Variants in LCA5 observed in about 807,000 individuals in gnomAD.
LCA5 encodes the protein lebercilin.
LCA5 carries 37 observed loss-of-function variants against 53.0 expected under a neutral mutation model. The observed-to-expected ratio is 0.70, with a 90% confidence interval of 0.54 to 0.92. The LOEUF (loss-of-function observed/expected upper bound fraction) is 0.92. LCA5 is among the 40% of genes least tolerant of loss of function. The pLI, the probability that LCA5 is intolerant of heterozygous loss-of-function variation, is 0.00. For synonymous variants in LCA5, 303 were observed against 282.9 expected, an observed-to-expected ratio of 1.07 and a Z score of -0.71; for missense variants, 806 against 790.5, an observed-to-expected ratio of 1.02 and a Z score of -0.23.
At position 79,492,608 on chromosome 6, in the gene LCA5, T is replaced by A; in HGVS notation, c.898A>T (p.Asn300Tyr). Residue 300 changes from asparagine to tyrosine, a missense_variant, in exon 5 of 8, where the codon AAT becomes TAT. Coordinates refer to ENST00000369846, the MANE Select transcript of LCA5 (RefSeq NM_001122769.3). ...TTTGGAGAGGACTTTGGCAGACGATTAGAATATATATTTTTTATATCCAGT... is the reference window on the plus strand; with the variant it reads ...TTTGGAGAGGACTTTGGCAGACGATAAGAATATATATTTTTTATATCCAGT... ...RELDIKNIYS[N>Y]RLPKSSPNKE... 6.4e-7 allele frequency: 1 copy of A among 1,567,390 alleles called. No homozygotes were observed. Among genetic ancestry groups the A allele is most frequent in the African/African-American group, 1.4e-5 (1 of 74,012 alleles).
At chr6:79,499,851 C>A (rs1185685644) in intron 3 of LCA5, among the ~76,000 whole-genome samples, 1 of 151,280 alleles carries the variant, frequency 6.6e-6, no homozygotes, top group Admixed American at 6.6e-5. Context: ...CCCCACTCCC[C>A]CCACCCCACA....
At chr6:79,528,243 T>G (rs758047980) in intron 1 of LCA5, among the ~76,000 whole-genome samples, 1 of 152,184 alleles carries the variant, frequency 6.6e-6, no homozygotes, top group Non-Finnish European at 1.5e-5. Flanking sequence ...CCCAGAGCAA[T>G]TCCCTCGTTC....
Position 79,495,525 on chromosome 6 carries a change from T to C in LCA5, c.721-1775A>G, listed in dbSNP as rs1769956673. Among the ~76,000 whole-genome samples the C allele has an allele frequency of 2.0e-5, 3 of 151,928 alleles. No homozygotes were observed. In the South Asian group the frequency reaches 6.2e-4, roughly 32 times the overall value. ...CCAGCACTCTGGGAGGCCGAGGCAG[T>C]GGGATCACAAGGCCAGGAGATTAAG... On this transcript the variant is annotated intron_variant, in intron 3 of 7. Coordinates refer to ENST00000369846, the MANE Select transcript of LCA5 (RefSeq NM_001122769.3).
intron 3 of LCA5, among the ~76,000 whole-genome samples, chr6:79,496,645 C>T (rs928344072): frequency 2.6e-5 from 4 of 152,004 alleles, no homozygotes; most frequent in Admixed American, 2.6e-4. Flanking sequence ...CAGAAACAAA[C>T]ATTAGATTAG....
chr6:79,510,303 AC>A (rs1770378133), intron 3 of LCA5, among the ~76,000 whole-genome samples: 2 of 152,208 alleles, frequency 1.3e-5, no homozygotes, highest in African/African-American at 4.8e-5. Context: ...CATAGGCCAA[AC>A]AAACAATAAA....
chr6:79,528,299 G>A (rs1766851768), intron 1 of LCA5, among the ~76,000 whole-genome samples: 1 of 152,108 alleles, frequency 6.6e-6, no homozygotes, highest in Non-Finnish European at 1.5e-5. Flanking sequence ...TAGGTGGGGG[G>A]CAGAGTTCAA....
At chr6:79,511,247 C>T (rs1231095850) in intron 3 of LCA5, among the ~76,000 whole-genome samples, 1 of 152,112 alleles carries the variant, frequency 6.6e-6, no homozygotes, top group Non-Finnish European at 1.5e-5. Flanking sequence ...ACCAAATGTC[C>T]TTCAACAGAT....
rs781040612 is a variant in LCA5, at chr6:79,513,281, T to C, written c.651A>G (p.Glu217=). ...CTAGTTTCTTTGCCAAATCATCTCGTTCAGGTAGGTGTCTAGCTTCAGAGA... is the reference window on the plus strand; with the variant it reads ...CTAGTTTCTTTGCCAAATCATCTCGCTCAGGTAGGTGTCTAGCTTCAGAGA... ...KEISEARHLP[E]RDDLAKKLVS... Residue 217 remains glutamate (E), a synonymous_variant, in exon 3 of 8, where the codon GAA becomes GAG. Coordinates refer to ENST00000369846, the MANE Select transcript of LCA5 (RefSeq NM_001122769.3). 2 of 1,613,632 alleles carry C rather than the reference T, an allele frequency of 1.2e-6. No individual in the cohort carries two copies. The highest frequency in any genetic ancestry group is 1.7e-6 in the Non-Finnish European group (2 of 1,179,792).
At chr6:79,536,291 A>G (rs1373355449) in intron 1 of LCA5, among the ~76,000 whole-genome samples, 1 of 152,240 alleles carries the variant, frequency 6.6e-6, no homozygotes, top group African/African-American at 2.4e-5. Flanking sequence ...TTACCATTCT[A>G]AAACACATAT....
At chr6:79,525,122 T>C (rs1167096210) in intron 1 of LCA5, 1 of 152,192 alleles carries the variant, frequency 6.6e-6, no homozygotes, top group Non-Finnish European at 1.5e-5. Context: ...GTATACTACA[T>C]AAACATTTTC....
chr6:79,506,400 T>C (rs984949294), intron 3 of LCA5, among the ~76,000 whole-genome samples: 1 of 152,220 alleles, frequency 6.6e-6, no homozygotes, highest in Admixed American at 6.5e-5. Flanking sequence ...TGGTTTCTTA[T>C]GATAGTTACC....
upstream of LCA5, among the ~76,000 whole-genome samples, chr6:79,538,169 C>G (rs1364933187): frequency 6.6e-6 from 1 of 150,470 alleles, no homozygotes; most frequent in Non-Finnish European, 1.5e-5. Context: ...AATCCTCTTT[C>G]GTGAGGGCTT....
chr6:79,511,571 CAT>C (rs1328988722), intron 3 of LCA5, among the ~76,000 whole-genome samples: 1 of 152,018 alleles, frequency 6.6e-6, no homozygotes, highest in East Asian at 1.9e-4. Context: ...CGAATCTATA[CAT>C]GTGATGAAAC....
intron 3 of LCA5, among the ~76,000 whole-genome samples, chr6:79,499,741 A>T (rs1224409336): frequency 1.3e-5 from 2 of 151,134 alleles, no homozygotes; most frequent in South Asian, 2.1e-4. Context: ...CATGTGCACA[A>T]TGTGCAGGTT....
At chr6:79,504,730 A>G (rs890146182) in intron 3 of LCA5, among the ~76,000 whole-genome samples, 2 of 152,200 alleles carry the variant, frequency 1.3e-5, no homozygotes, top group Non-Finnish European at 2.9e-5. Flanking sequence ...GAAAGGGTTC[A>G]TCATATTATG....
intron 1 of LCA5, 33 bp from the exon 2 acceptor site, chr6:79,519,118 A>G: frequency 1.7e-6 from 1 of 586,732 alleles, no homozygotes; most frequent in Non-Finnish European, 3.0e-6. Context: ...GAGACTTATC[A>G]TACAGTCTCT....
chr6:79,537,451 C>G (rs1767186473), upstream of LCA5: 1 of 152,274 alleles, frequency 6.6e-6, no homozygotes, highest in African/African-American at 2.4e-5. Flanking sequence ...GAGACCGCAG[C>G]CAATCATGAT....
In LCA5 at chr6:79,493,639, C is replaced by G; in HGVS notation, c.832G>C (p.Val278Leu). Residue 278 changes from valine to leucine, a missense_variant, in exon 4 of 8, where the codon GTA becomes CTA. Physicochemically the swap from Val to Leu is conservative, Grantham distance 32. Transcript: ENST00000369846. ...TTTAATTTGTGATATAGTCGCTGTACCTCCTTTTGAAGAACTTTATTTTCA... is the reference window on the plus strand; with the variant it reads ...TTTAATTTGTGATATAGTCGCTGTAGCTCCTTTTGAAGAACTTTATTTTCA... Reference protein sequence around the residue: ...HDENKVLQKEVQRLYHKLKEK... With the variant: ...HDENKVLQKELQRLYHKLKEK... 1.2e-6 allele frequency: 2 copies of G among 1,613,534 alleles called. No homozygotes were observed. Among genetic ancestry groups the G allele is most frequent in the Non-Finnish European group, 1.7e-6 (2 of 1,179,578 alleles).
chr6:79,503,593 A>G (rs906686815), intron 3 of LCA5, among the ~76,000 whole-genome samples: 1 of 152,160 alleles, frequency 6.6e-6, no homozygotes, highest in Admixed American at 6.6e-5. Context: ...CTTTTAGTAT[A>G]TTTCTCTTTT....
Sources: gnomAD v4.1 joint callset for allele counts (sites outside exome capture counted in the v4.1 genomes callset) on GRCh38, gnomAD v4.1.1 for gene constraint, MANE v1.5 for transcripts, NCBI Gene and HGNC (gene_info 2026-07-23, HGNC 2026-07-21) for gene names.